The following RP1 variants were observed in gnomAD, a reference collection of about 807,000 sequenced individuals.
RP1 encodes oxygen-regulated protein 1.
In RP1, 16 loss-of-function variants were observed where a neutral mutation model predicts 14.8. The ratio of observed to expected loss-of-function variants is 1.08; its 90% CI spans 0.73 to 1.65. The LOEUF (loss-of-function observed/expected upper bound fraction) is 1.65, where lower values mean the gene tolerates loss of function less well. Among genes scored for constraint, RP1 ranks in the 40% most tolerant of loss-of-function variants. The pLI, the probability that RP1 is intolerant of heterozygous loss-of-function variation, is 0.00. For synonymous variants in RP1, 876 were observed against 883.6 expected (o/e 0.99, Z 0.15); for missense variants, 2,631 against 2,535.0 (o/e 1.04, Z -0.81).
At chr8:54,759,738 T>C (rs1809593853) in intron 22 of RP1, among the ~76,000 whole-genome samples, 1 of 152,160 alleles carries the variant, frequency 6.6e-6, no homozygotes, top group East Asian at 1.9e-4. Flanking sequence ...CTCAAGAAAA[T>C]GCTTAGCTTC....
At chr8:54,578,501 C>A (rs192261582) in intron 1 of RP1, among the ~76,000 whole-genome samples, 44 of 152,260 alleles carry the variant, frequency 2.9e-4, no homozygotes, top group African/African-American at 1.0e-3. Flanking sequence ...AGCCACTGCA[C>A]CTGACCTAAT....
chr8:54,789,837 C>T (rs1227417359), intron 24 of RP1, among the ~76,000 whole-genome samples: 2 of 152,144 alleles, frequency 1.3e-5, no homozygotes, highest in Non-Finnish European at 2.9e-5. Context: ...CATTATCAGG[C>T]AACCCACCCA....
downstream of RP1, among the ~76,000 whole-genome samples, chr8:54,772,294 T>C (rs1401879475): frequency 6.6e-6 from 1 of 152,076 alleles, no homozygotes; most frequent in Non-Finnish European, 1.5e-5. Context: ...GCCTTTGGCA[T>C]ATTGCTCTTA....
At chr8:54,840,173 T>C (rs1264051246) in intron 25 of RP1, among the ~76,000 whole-genome samples, 1 of 152,170 alleles carries the variant, frequency 6.6e-6, no homozygotes, top group Non-Finnish European at 1.5e-5. Context: ...TTGAAATCCA[T>C]GGTACTGATA....
intron 25 of RP1, among the ~76,000 whole-genome samples, chr8:54,845,263 G>C (rs1008388882): frequency 6.6e-6 from 1 of 152,228 alleles, no homozygotes; most frequent in Admixed American, 6.5e-5. Flanking sequence ...GTGCAGCTCT[G>C]GGTGAGGAGC....
chr8:54,688,257 T>C (rs1348842997), intron 12 of RP1, among the ~76,000 whole-genome samples: 2 of 152,226 alleles, frequency 1.3e-5, no homozygotes, highest in African/African-American at 4.8e-5. Flanking sequence ...TCCCATTCTG[T>C]AGGTGGCCTG....
intron 23 of RP1, among the ~76,000 whole-genome samples, chr8:54,780,518 T>C (rs1260186330): frequency 6.6e-6 from 1 of 152,218 alleles, no homozygotes; most frequent in Admixed American, 6.5e-5. Flanking sequence ...ACATTACACT[T>C]GATGTTCCAC....
intron 19 of RP1, among the ~76,000 whole-genome samples, chr8:54,744,842 T>A: frequency 6.6e-6 from 1 of 152,208 alleles, no homozygotes. Flanking sequence ...TTTTCTTATA[T>A]TGCATGGACC....
At chr8:54,810,307 G>A (rs766387931) in intron 24 of RP1, among the ~76,000 whole-genome samples, 2 of 151,994 alleles carry the variant, frequency 1.3e-5, no homozygotes, top group Non-Finnish European at 2.9e-5. Context: ...TTTTAGAAAG[G>A]GTATTTCTGA....
chr8:54,643,194 GA>G (rs538560737), intron 3 of RP1, among the ~76,000 whole-genome samples: 6 of 151,870 alleles, frequency 4.0e-5, no homozygotes, highest in South Asian at 2.1e-4. Flanking sequence ...TATTAATGTT[GA>G]AAAAAATCAA....
At position 54,629,183 on chromosome 8, in the gene RP1, A is replaced by T. The variant is rs1806176069; in HGVS notation, c.5301A>T (p.Ala1767=). 1 of 1,614,026 alleles carries T rather than the reference A, an allele frequency of 6.2e-7. No individual in the cohort carries two copies. Among genetic ancestry groups the T allele is most frequent in the Admixed American group, 1.7e-5 (1 of 60,006 alleles). Residue 1767 remains alanine (A), a synonymous_variant, in exon 4 of 4, where the codon GCA becomes GCT. Coordinates refer to ENST00000220676, the MANE Select transcript of RP1 (RefSeq NM_006269.2). The part of the protein sequence containing the change: ...SSENPGMCGN[A]DTTSVDTLLD... ...AAAATCCTGGCATGTGTGGCAATGC[A>T]GACACCACATCAGTGGACACCCTAC...
chr8:54,725,971 A>C, intron 16 of RP1, among the ~76,000 whole-genome samples: 1 of 152,190 alleles, frequency 6.6e-6, no homozygotes, highest in East Asian at 1.9e-4. Flanking sequence ...GTCACATGAA[A>C]TCCTGTTTGA....
chr8:54,674,612 A>G (rs1395497153), intron 8 of RP1, among the ~76,000 whole-genome samples: 1 of 152,028 alleles, frequency 6.6e-6, no homozygotes, highest in Non-Finnish European at 1.5e-5. Context: ...TAAGAACAAG[A>G]TTGTTACACA....
At chr8:54,750,405 A>G (rs1021371520) in intron 19 of RP1, among the ~76,000 whole-genome samples, 10 of 152,210 alleles carry the variant, frequency 6.6e-5, no homozygotes, top group African/African-American at 2.4e-4. Context: ...AAGTGATCTT[A>G]CTTCTAGGCA....
At chr8:54,751,235 G>T (rs1259601169) in intron 19 of RP1, among the ~76,000 whole-genome samples, 1 of 152,178 alleles carries the variant, frequency 6.6e-6, no homozygotes, top group Non-Finnish European at 1.5e-5. Flanking sequence ...TTTCCAAAAG[G>T]TGTTTTGATC....
intron 1 of RP1, among the ~76,000 whole-genome samples, chr8:54,610,007 T>C (rs1259524162): frequency 6.6e-6 from 1 of 152,146 alleles, no homozygotes; most frequent in Non-Finnish European, 1.5e-5. Context: ...GAAAGAAAAC[T>C]AGCAAAAAAT....
intron 12 of RP1, among the ~76,000 whole-genome samples, chr8:54,689,236 T>C (rs1380847049): frequency 1.3e-5 from 2 of 152,176 alleles, no homozygotes; most frequent in Non-Finnish European, 2.9e-5. Context: ...GTTTTCTAAA[T>C]ATACAATCAT....
At chr8:54,609,318 G>A (rs1344662215) in intron 1 of RP1, among the ~76,000 whole-genome samples, 1 of 151,982 alleles carries the variant, frequency 6.6e-6, no homozygotes, top group Non-Finnish European at 1.5e-5. Flanking sequence ...GCTGGGTGTG[G>A]TGATGCACTC....
intron 15 of RP1, among the ~76,000 whole-genome samples, chr8:54,714,106 A>G (rs1808348907): frequency 6.6e-6 from 1 of 152,158 alleles, no homozygotes; most frequent in Non-Finnish European, 1.5e-5. Context: ...TTGTATTTTT[A>G]GTAGATACGG....
Sources: allele counts gnomAD v4.1 joint callset (sites outside exome capture counted in the v4.1 genomes callset), GRCh38; gene constraint gnomAD v4.1.1; transcripts MANE v1.5; gene names NCBI Gene and HGNC (gene_info 2026-07-23, HGNC 2026-07-21).